OSBPL6: variants seen among roughly 807,000 people sequenced by gnomAD.
OSBPL6 encodes the protein oxysterol binding protein like 6, also known as oxysterol-binding protein-related protein 6.
OSBPL6 carries 49 observed loss-of-function variants against 125.8 expected under a neutral mutation model. That is an observed-to-expected ratio of 0.39 (90% confidence interval 0.31 to 0.49). OSBPL6 has a LOEUF of 0.49. OSBPL6 is among the 20% of genes least tolerant of loss of function. The pLI, the probability that OSBPL6 is intolerant of heterozygous loss-of-function variation, is 0.88. For synonymous variants in OSBPL6, 394 were observed against 391.8 expected (o/e 1.01, Z -0.07); for missense variants, 986 against 1,135.4 (o/e 0.87, Z 1.89).
intron 1 of OSBPL6, among the ~76,000 whole-genome samples, chr2:178,240,336 G>A (rs1473642580): frequency 6.6e-6 from 1 of 152,150 alleles, no homozygotes; most frequent in Non-Finnish European, 1.5e-5. Context: ...GGAGGCTGAG[G>A]CAGGTGGATT....
At chr2:178,382,606 C>T in intron 16 of OSBPL6, 99 bp downstream of exon 16, 1 of 1,559,746 alleles carries the variant, frequency 6.4e-7, no homozygotes, top group South Asian at 1.2e-5. Flanking sequence ...CCACCCCCAC[C>T]CCTGCTAATT....
intron 1 of OSBPL6, among the ~76,000 whole-genome samples, chr2:178,227,391 A>C (rs1370821817): frequency 1.3e-5 from 2 of 152,248 alleles, no homozygotes; most frequent in Middle Eastern, 3.2e-3. Context: ...TAGTTCTGGC[A>C]TTATGTCATA....
intron 19 of OSBPL6, among the ~76,000 whole-genome samples, chr2:178,386,724 GACACACACAC>G (rs10578361): frequency 6.9e-6 from 1 of 144,772 alleles, no homozygotes; most frequent in Admixed American, 6.9e-5. Flanking sequence ...CACACACACA[GACACACACAC>G]ACACACACAC....
chr2:178,314,563 A>T (rs1324811624), intron 3 of OSBPL6, among the ~76,000 whole-genome samples: 1 of 152,252 alleles, frequency 6.6e-6, no homozygotes, highest in African/African-American at 2.4e-5. Flanking sequence ...TCAGTGAGAA[A>T]ATAATATTTG....
intron 1 of OSBPL6, among the ~76,000 whole-genome samples, chr2:178,200,367 T>C (rs1454358758): frequency 6.7e-6 from 1 of 149,056 alleles, no homozygotes; most frequent in East Asian, 2.1e-4. Context: ...TTCTCCTGCC[T>C]CAGCCTCTCC....
At chr2:178,330,072 G>A (rs1174360841) in intron 5 of OSBPL6, among the ~76,000 whole-genome samples, 1 of 152,160 alleles carries the variant, frequency 6.6e-6, no homozygotes, top group East Asian at 1.9e-4. Context: ...TTCTTCCTGA[G>A]ATTTTCGCCA....
At chr2:178,242,900 A>G (rs2091346675) in intron 1 of OSBPL6, among the ~76,000 whole-genome samples, 1 of 152,128 alleles carries the variant, frequency 6.6e-6, no homozygotes, top group South Asian at 2.1e-4. Context: ...CAATATATAT[A>G]TACACACACA....
intron 2 of OSBPL6, among the ~76,000 whole-genome samples, chr2:178,299,085 A>T (rs75880216): frequency 0.034 from 5,157 of 152,204 alleles, 199 homozygotes; most frequent in East Asian, 0.18. Context: ...TCCCAGTATT[A>T]TTTTTCTGTT....
At chr2:178,359,888 G>A (rs1276418037) in intron 12 of OSBPL6, among the ~76,000 whole-genome samples, 1 of 152,176 alleles carries the variant, frequency 6.6e-6, no homozygotes, top group Non-Finnish European at 1.5e-5. Flanking sequence ...AAGAGTTTGA[G>A]AGCAGTCTGG....
chr2:178,387,948 G>A (rs967529800), intron 20 of OSBPL6, among the ~76,000 whole-genome samples: 4 of 152,070 alleles, frequency 2.6e-5, no homozygotes, highest in Non-Finnish European at 5.9e-5. Context: ...AGATTGCAGT[G>A]AGCCGAGATT....
intron 5 of OSBPL6, 32 bp downstream of exon 5, chr2:178,328,410 A>G: frequency 6.3e-7 from 1 of 1,598,548 alleles, no homozygotes; most frequent in Non-Finnish European, 8.5e-7. Flanking sequence ...GGTTCAGACC[A>G]TCTTCATAAA....
intron 12 of OSBPL6, among the ~76,000 whole-genome samples, chr2:178,352,305 G>A (rs758512920): frequency 6.6e-5 from 10 of 152,210 alleles, no homozygotes; most frequent in African/African-American, 2.2e-4. Context: ...CAGGAAGCAT[G>A]AGGGGTCAGG....
intron 9 of OSBPL6, 35 bp from the exon 10 acceptor site, chr2:178,338,956 A>G (rs1689949966): frequency 6.6e-7 from 1 of 1,518,194 alleles, no homozygotes; most frequent in Non-Finnish European, 9.1e-7. Flanking sequence ...TCCCTACCCA[A>G]TTTTAACGTA....
At chr2:178,244,126 A>G (rs924144158) in intron 1 of OSBPL6, among the ~76,000 whole-genome samples, 2 of 152,088 alleles carry the variant, frequency 1.3e-5, no homozygotes, top group Non-Finnish European at 2.9e-5. Context: ...CACACTGCTC[A>G]AACTCCGCTG....
At chr2:178,235,532 G>A (rs1392658522) in intron 1 of OSBPL6, among the ~76,000 whole-genome samples, 7 of 149,476 alleles carry the variant, frequency 4.7e-5, no homozygotes, top group African/African-American at 1.7e-4. Context: ...TCAGCCTCCC[G>A]AGTAGCTGGG....
intron 1 of OSBPL6, among the ~76,000 whole-genome samples, chr2:178,233,213 G>A (rs1324851231): frequency 6.6e-6 from 1 of 152,148 alleles, no homozygotes; most frequent in Non-Finnish European, 1.5e-5. Context: ...GGATAGGTTT[G>A]GAATTTGCTT....
chr2:178,369,360 A>ATT (rs1403648152), intron 13 of OSBPL6, among the ~76,000 whole-genome samples: 1 of 152,326 alleles, frequency 6.6e-6, no homozygotes, highest in East Asian at 1.9e-4. Context: ...TATGAACCAT[A>ATT]ATCTAAGCAT....
chr2:178,272,920 G>A (rs1293102026), intron 1 of OSBPL6, among the ~76,000 whole-genome samples: 1 of 152,206 alleles, frequency 6.6e-6, no homozygotes, highest in East Asian at 1.9e-4. Context: ...GCATGTGTTA[G>A]TAACTTTGAT....
intron 5 of OSBPL6, 28 bp from the exon 6 acceptor site, chr2:178,331,524 A>AT (rs1471012738): frequency 6.2e-7 from 1 of 1,613,094 alleles, no homozygotes; most frequent in South Asian, 1.1e-5. Flanking sequence ...AAATACAGAC[A>AT]GTAACTGGGG....
Sources: allele counts gnomAD v4.1 joint callset (sites outside exome capture counted in the v4.1 genomes callset), GRCh38; gene constraint gnomAD v4.1.1; transcripts MANE v1.5; gene names NCBI Gene and HGNC (gene_info 2026-07-23, HGNC 2026-07-21).